Variants in STRADB observed in about 807,000 individuals in gnomAD.
The protein encoded by STRADB is STE20-related kinase adapter protein beta.
A neutral mutation model predicts 52.1 loss-of-function variants in STRADB; 34 were observed. The observed-to-expected ratio is 0.65, with a 90% CI of 0.50 to 0.87. The LOEUF (loss-of-function observed/expected upper bound fraction) is 0.87. Ranked by LOEUF, STRADB falls within the 40% of genes least tolerant of loss-of-function variation. The pLI is 0.00. For synonymous variants in STRADB, 133 were observed against 174.5 expected (o/e 0.76, Z 1.87); for missense variants, 340 against 483.9 (o/e 0.70, Z 2.79).
Position 201,474,775 on chromosome 2 carries a change from ATAAAT to A in STRADB, c.424+24_424+28del. ...CCTATGGTAAGAATGCTGGTTTTAA[ATAAAT>A]TAACTTAGCCTAGATGTTATAATTA... On this transcript the variant is annotated intron_variant, in intron 6 of 11. Coordinates refer to ENST00000194530, the MANE Select transcript of STRADB (RefSeq NM_018571.6). 4 of 1,554,812 alleles carry A rather than the reference ATAAAT, an allele frequency of 2.6e-6. No homozygotes were observed. Among genetic ancestry groups the A allele is most frequent in the Non-Finnish European group, 3.5e-6 (4 of 1,136,918 alleles).
At chr2:201,464,074 G>C (rs993569679) in intron 3 of STRADB, among the ~76,000 whole-genome samples, 9 of 151,928 alleles carry the variant, frequency 5.9e-5, no homozygotes, top group African/African-American at 2.2e-4. Flanking sequence ...CTTCGGGATT[G>C]GTCACTGGTA....
At chr2:201,476,901 G>C (rs1457735350) in intron 7 of STRADB, among the ~76,000 whole-genome samples, 2 of 133,672 alleles carry the variant, frequency 1.5e-5, no homozygotes, top group Non-Finnish European at 3.1e-5. Flanking sequence ...AGAATCACTT[G>C]AACCCAGGAG....
intron 1 of STRADB, among the ~76,000 whole-genome samples, chr2:201,452,200 T>TGGCCGTGCC (rs991620986): frequency 1.3e-5 from 2 of 151,898 alleles, no homozygotes; most frequent in Admixed American, 6.6e-5. Context: ...CCTGCCGGGT[T>TGGCCGTGCC]GGCCGTGCCG....
rs1178286779 is a variant in STRADB, at chr2:201,458,505, A to G, written c.13-279A>G. Among the ~76,000 whole-genome samples, 4 of 152,238 alleles carry G rather than the reference A, an allele frequency of 2.6e-5. No individual in the cohort carries two copies. The East Asian group carries it at 5.8e-4, about 22-fold the overall frequency. ...TTAAAAATTAACACCAACAGTTAAA[A>G]TGAATTATTATGACATCAAGAAAAG... On this transcript the variant is annotated intron_variant, in intron 2 of 11. Coordinates refer to ENST00000194530, the MANE Select transcript of STRADB (RefSeq NM_018571.6).
intron 1 of STRADB, among the ~76,000 whole-genome samples, chr2:201,453,428 T>C (rs1044405576): frequency 6.6e-6 from 1 of 152,070 alleles, no homozygotes; most frequent in Admixed American, 6.5e-5. Flanking sequence ...CCAGCGGGTG[T>C]CCACAGTGCC....
Position 201,480,023 on chromosome 2 carries a change from C to G in STRADB, c.1114-9C>G. On this transcript the variant is annotated splice_polypyrimidine_tract_variant and intron_variant, in intron 11 of 11. Transcript: ENST00000194530. ...ATATCAACAGCCTTATTTTGAGTTT[C>G]TTTAACAGATGAAAGAAGAAAGCCA... 1 of 1,613,754 alleles carries G rather than the reference C, an allele frequency of 6.2e-7. No homozygotes were observed.
chr2:201,469,081 G>A (rs1423397860), intron 3 of STRADB, among the ~76,000 whole-genome samples: 1 of 152,064 alleles, frequency 6.6e-6, no homozygotes, highest in African/African-American at 2.4e-5. Flanking sequence ...TAAAGTTTAG[G>A]GAACATTTAA....
intron 4 of STRADB, among the ~76,000 whole-genome samples, chr2:201,471,093 T>C (rs541423763): frequency 6.6e-6 from 1 of 152,248 alleles, no homozygotes; most frequent in South Asian, 2.1e-4. Flanking sequence ...CATGCCAGGG[T>C]CAAGGAGACT....
chr2:201,472,853 C>A, intron 4 of STRADB, 102 bp from the exon 5 acceptor site: 3 of 1,180,348 alleles, frequency 2.5e-6, no homozygotes, highest in Non-Finnish European at 3.5e-6. Context: ...ATTTTCTTAA[C>A]AGTACTTTTT....
At position 201,470,172 on chromosome 2, in the gene STRADB, T is replaced by C. The variant is rs575235476; in HGVS notation, c.193+120T>C. On this transcript the variant is annotated intron_variant, in intron 4 of 11. Coordinates refer to ENST00000194530, the MANE Select transcript of STRADB (RefSeq NM_018571.6). ...CCTCCAGCATAAAACTAGATGCTAA[T>C]TGTGTCAGTCAAGTGGATTCAATTA... 3.9e-5 allele frequency: 28 copies of C among 716,754 alleles called. 1 individual carries two copies. The South Asian group carries it at 4.9e-4, about 12-fold the overall frequency. The allele number at this position is 716,754 out of a possible 1,614,324, so 44.4% of individuals were successfully genotyped here.
At chr2:201,454,899 T>C in intron 2 of STRADB, 47 bp downstream of exon 2, 1 of 1,553,946 alleles carries the variant, frequency 6.4e-7, no homozygotes. Flanking sequence ...TCAGAGTAGT[T>C]GGATGTTAAT....
At chr2:201,452,302 A>G (rs1346151664) in intron 1 of STRADB, among the ~76,000 whole-genome samples, 2 of 152,162 alleles carry the variant, frequency 1.3e-5, no homozygotes, top group Admixed American at 6.5e-5. Context: ...GGGAGTTGCC[A>G]TATCGAAGAC....
chr2:201,479,429 A>C, intron 10 of STRADB, 60 bp from the exon 11 acceptor site: 1 of 1,462,094 alleles, frequency 6.8e-7, no homozygotes, highest in Non-Finnish European at 9.3e-7. Context: ...ATATTTTTAC[A>C]CCTGAAATCT....
At position 201,480,172 on chromosome 2, in the gene STRADB, C is replaced by T. The variant is rs1352209653; in HGVS notation, c.1254C>T (p.Phe418=). Residue 418 remains phenylalanine (F), a synonymous_variant, in exon 12 of 12, where the codon TTC becomes TTT. Transcript: ENST00000194530. Reference sequence around the variant, plus strand: ...ATGAAAAAGACTCATACTGGGAATTCTAGGGCTGCCAAATCATTTTATGTC... The same window carrying T: ...ATGAAAAAGACTCATACTGGGAATTTTAGGGCTGCCAAATCATTTTATGTC... ...FPDEKDSYWE[F] 2 of 1,613,580 alleles carry T rather than the reference C, an allele frequency of 1.2e-6. No individual in the cohort carries two copies. Among genetic ancestry groups the T allele is most frequent in the South Asian group, 1.1e-5 (1 of 90,978 alleles).
intron 2 of STRADB, among the ~76,000 whole-genome samples, chr2:201,455,465 G>T (rs1262709507): frequency 2.6e-5 from 4 of 152,032 alleles, no homozygotes. Context: ...TGTAATCCCA[G>T]CATTTTTAGG....
chr2:201,472,587 GGATTGCC>G (rs1461531507), intron 4 of STRADB, among the ~76,000 whole-genome samples: 3 of 152,148 alleles, frequency 2.0e-5, no homozygotes, highest in African/African-American at 7.2e-5. Context: ...AGTGGGGATG[GGATTGCC>G]GAGTAGCATT....
At chr2:201,467,839 T>C (rs949821993) in intron 3 of STRADB, among the ~76,000 whole-genome samples, 4 of 152,220 alleles carry the variant, frequency 2.6e-5, no homozygotes, top group African/African-American at 9.6e-5. Context: ...TCTTCCAGTC[T>C]GCTCAATTTT....
intron 7 of STRADB, among the ~76,000 whole-genome samples, chr2:201,476,289 ATTAAG>A (rs1952470442): frequency 6.6e-6 from 1 of 151,990 alleles, no homozygotes; most frequent in Non-Finnish European, 1.5e-5. Flanking sequence ...TTACTTTTTA[ATTAAG>A]TTACTTTTAA....
chr2:201,475,537 A>G (rs1035063168), intron 6 of STRADB, 82 bp from the exon 7 acceptor site: 9 of 1,542,838 alleles, frequency 5.8e-6, no homozygotes, highest in Admixed American at 3.4e-5. Context: ...GTTTGTGTTT[A>G]TGGTTGAAAA....
Sources: allele counts gnomAD v4.1 joint callset (sites outside exome capture counted in the v4.1 genomes callset), GRCh38; gene constraint gnomAD v4.1.1; transcripts MANE v1.5; gene names NCBI Gene and HGNC (gene_info 2026-07-23, HGNC 2026-07-21).